ASCC1: variants seen among roughly 807,000 people sequenced by gnomAD.
The protein encoded by ASCC1 is ASC-1 complex subunit P50.
Under a neutral mutation model 46.6 loss-of-function variants are expected in ASCC1, and 35 were observed. The ratio of observed to expected loss-of-function variants is 0.75; its 90% CI spans 0.57 to 0.99. ASCC1 has a LOEUF of 0.99. Ranked by LOEUF, ASCC1 falls within the 50% of genes least tolerant of loss-of-function variation. ASCC1 has a pLI of 0.00. For missense variants in ASCC1, 376 were observed against 428.7 expected (o/e 0.88, Z 1.09); for synonymous variants, 143 against 146.6 (o/e 0.98, Z 0.18).
chr10:72,178,076 C>T (rs1463863769), intron 5 of ASCC1, among the ~76,000 whole-genome samples: 5 of 152,030 alleles, frequency 3.3e-5, no homozygotes, highest in Admixed American at 6.6e-5. Flanking sequence ...AGTCTGCTAC[C>T]AAACAAAGAG....
At chr10:72,191,268 T>C (rs1399437186) in intron 5 of ASCC1, among the ~76,000 whole-genome samples, 3 of 150,442 alleles carry the variant, frequency 2.0e-5, no homozygotes, top group African/African-American at 4.9e-5. Flanking sequence ...GGTTTCACCA[T>C]GTTGGTCAGG....
chr10:72,106,884 G>A (rs1054473921), intron 9 of ASCC1, among the ~76,000 whole-genome samples: 1 of 152,142 alleles, frequency 6.6e-6, no homozygotes, highest in Non-Finnish European at 1.5e-5. Context: ...GGAAGGCCAC[G>A]TCCACAAGGC....
chr10:72,136,309 A>G lies in ASCC1; in HGVS notation c.747-3128T>C, dbSNP rs183077533. ...ACCAATCAGCGCTCTGTGTCTAGCT[A>G]AAGGATTGTAAACGCACCAATCAGC... On this transcript the variant is annotated intron_variant, in intron 7 of 9. Transcript: ENST00000672957. 9.0e-4 allele frequency among the ~76,000 whole-genome samples: 137 copies of G among 151,888 alleles called. 2 individuals carry two copies. The highest frequency in any genetic ancestry group is 3.2e-3 in the African/African-American group (133 of 41,440).
chr10:72,200,187 A>G (rs1341734038), intron 4 of ASCC1, among the ~76,000 whole-genome samples: 1 of 152,158 alleles, frequency 6.6e-6, no homozygotes, highest in Admixed American at 6.6e-5. Flanking sequence ...TTTTACTGCA[A>G]TAAAAAATAT....
At chr10:72,192,204 C>A (rs1854614203) in intron 5 of ASCC1, among the ~76,000 whole-genome samples, 1 of 151,886 alleles carries the variant, frequency 6.6e-6, no homozygotes. Context: ...GCCTGTAATC[C>A]CAGCACTTTG....
chr10:72,128,440 C>T (rs1339912788), intron 8 of ASCC1, among the ~76,000 whole-genome samples: 2 of 152,222 alleles, frequency 1.3e-5, no homozygotes, highest in Non-Finnish European at 2.9e-5. Context: ...CAACTAGCTA[C>T]ATTATTAGGC....
chr10:72,132,313 C>T (rs1395729447), intron 8 of ASCC1, among the ~76,000 whole-genome samples: 1 of 152,052 alleles, frequency 6.6e-6, no homozygotes. Context: ...ACTCCTGATC[C>T]GATGCTGAAG....
chr10:72,184,093 G>A (rs1294495145), intron 5 of ASCC1, among the ~76,000 whole-genome samples: 2 of 151,822 alleles, frequency 1.3e-5, no homozygotes, highest in Admixed American at 6.6e-5. Context: ...GCAGTGAGCC[G>A]AGACTGCACC....
chr10:72,143,939 A>T (rs1847329976), intron 7 of ASCC1, among the ~76,000 whole-genome samples: 1 of 151,934 alleles, frequency 6.6e-6, no homozygotes. Flanking sequence ...TGGTAAAATG[A>T]ACCCTTTATC....
chr10:72,171,498 C>T (rs2132847656), intron 5 of ASCC1, among the ~76,000 whole-genome samples: 1 of 152,272 alleles, frequency 6.6e-6, no homozygotes, highest in Non-Finnish European at 1.5e-5. Context: ...AAGATACCAG[C>T]TCACTGCAAC....
intron 5 of ASCC1, among the ~76,000 whole-genome samples, chr10:72,175,030 A>T (rs954703901): frequency 6.6e-6 from 1 of 152,186 alleles, no homozygotes; most frequent in East Asian, 1.9e-4. Flanking sequence ...TTCTTTTTTT[A>T]TGGCCAAATC....
chr10:72,156,343 A>C (rs1232821611), intron 6 of ASCC1, among the ~76,000 whole-genome samples: 1 of 152,208 alleles, frequency 6.6e-6, no homozygotes, highest in Non-Finnish European at 1.5e-5. Flanking sequence ...CAGAACTGTG[A>C]GCCGATTAAA....
chr10:72,104,174 T>C (rs1037988233), intron 9 of ASCC1, among the ~76,000 whole-genome samples: 8 of 152,136 alleles, frequency 5.3e-5, no homozygotes, highest in Admixed American at 2.6e-4. Flanking sequence ...CTGTACTCTA[T>C]TGCCCCTTAA....
chr10:72,103,942 C>G (rs569478063), intron 9 of ASCC1, among the ~76,000 whole-genome samples: 10 of 152,274 alleles, frequency 6.6e-5, no homozygotes, highest in Admixed American at 3.9e-4. Context: ...CAAGTTACCA[C>G]TTCCTTTGGA....
At chr10:72,122,438 C>G (rs1844320074) in intron 9 of ASCC1, among the ~76,000 whole-genome samples, 1 of 147,504 alleles carries the variant, frequency 6.8e-6, no homozygotes, top group Admixed American at 6.8e-5. Flanking sequence ...AAAAAAAAAC[C>G]CACACACTTC....
Position 72,127,664 on chromosome 10 carries a change from C to CTT in ASCC1, c.957+416_957+417dup, listed in dbSNP as rs3063665. 3.2e-4 allele frequency among the ~76,000 whole-genome samples: 42 copies of CTT among 129,972 alleles called. 1 individual carries two copies. Among genetic ancestry groups the CTT allele is most frequent in the African/African-American group, 9.6e-4 (31 of 32,452 alleles). 85.3% of individuals were successfully genotyped at this position (129,972 alleles called of 152,430 possible). On this transcript the variant is annotated intron_variant, in intron 9 of 9. Transcript: ENST00000672957. The stretch of plus-strand genomic sequence containing the variant: ...AAGTGGTTGGAATACCTAAGGGTTT[C>CTT]TTTTTTTTTTTTTTTCCTAAGTGTT...
chr10:72,188,881 C>A (rs1241301419), intron 5 of ASCC1, among the ~76,000 whole-genome samples: 1 of 152,018 alleles, frequency 6.6e-6, no homozygotes, highest in African/African-American at 2.4e-5. Context: ...CTCAGCCTCC[C>A]GAGTAGTTAA....
chr10:72,136,653 C>T (rs1320129727), intron 7 of ASCC1, among the ~76,000 whole-genome samples: 16 of 152,162 alleles, frequency 1.1e-4, no homozygotes, highest in Non-Finnish European at 1.5e-5. Flanking sequence ...CTTGGGTCCC[C>T]CTTCCATGCT....
chr10:72,133,431 A>G (rs1845832452), intron 7 of ASCC1: 11 of 466,456 alleles, frequency 2.4e-5, no homozygotes, highest in South Asian at 2.1e-4. Flanking sequence ...GGAGTGATCA[A>G]CTCTACATGG....
Sources: allele counts gnomAD v4.1 joint callset (sites outside exome capture counted in the v4.1 genomes callset), GRCh38; gene constraint gnomAD v4.1.1; transcripts MANE v1.5; gene names NCBI Gene and HGNC (gene_info 2026-07-23, HGNC 2026-07-21).